TEKT5: variants seen among roughly 807,000 people sequenced by gnomAD.
The protein encoded by TEKT5 is tektin-5.
In TEKT5, 52 loss-of-function variants were observed where a neutral mutation model predicts 48.7. The ratio of observed to expected loss-of-function variants is 1.07; its 90% CI spans 0.86 to 1.35. TEKT5 has a LOEUF of 1.35. Ranked by LOEUF, TEKT5 falls within the 40% of genes most tolerant of loss-of-function variation. TEKT5 has a pLI of 0.00. For missense variants in TEKT5, 831 were observed against 641.6 expected, an observed-to-expected ratio of 1.30 and a Z score of -3.19; for synonymous variants, 318 against 267.6, an observed-to-expected ratio of 1.19 and a Z score of -1.84.
rs1322856755 is a variant in TEKT5 at position 10,676,296 on chromosome 16, T to C, written c.864-115A>G. The C allele has an allele frequency of 9.0e-6, 9 of 1,005,398 alleles. No individual in the cohort carries two copies. The Admixed American group carries it at 1.5e-4, about 16-fold the overall frequency. The allele number at this position is 1,005,398 out of a possible 1,614,324, so 62.3% of individuals were successfully genotyped here. A position where few individuals can be genotyped will look rare whatever the true frequency, so the allele number is the denominator to read the frequency against. On this transcript the variant is annotated intron_variant, in intron 4 of 6. Coordinates refer to ENST00000283025, the MANE Select transcript of TEKT5 (RefSeq NM_144674.2). ...GGATTATTCTCTGTCCTGTGCATTG[T>C]AGGGTGCTTGGGATGTTTAAGCAGC...
intron 5 of TEKT5, among the ~76,000 whole-genome samples, chr16:10,638,499 G>A (rs1897946966): frequency 1.3e-5 from 2 of 152,220 alleles, no homozygotes; most frequent in African/African-American, 2.4e-5. Flanking sequence ...TAGAAATGAG[G>A]CAGTGATGTC....
At chr16:10,657,589 AT>A (rs57853009) in intron 5 of TEKT5, among the ~76,000 whole-genome samples, 14,786 of 141,566 alleles carry the variant, frequency 0.1, 1,230 homozygotes, top group African/African-American at 0.24. Flanking sequence ...TCCCCTTTCA[AT>A]TTTTTTTTTT....
chr16:10,690,179 C>G, intron 1 of TEKT5, 154 bp from the exon 2 acceptor site: 8 of 681,716 alleles, frequency 1.2e-5, no homozygotes, highest in East Asian at 2.8e-5. Flanking sequence ...GGATGGGCTT[C>G]TGCCTCCCCT....
intron 3 of TEKT5, among the ~76,000 whole-genome samples, chr16:10,685,237 C>T (rs1053103021): frequency 1.3e-4 from 20 of 152,188 alleles, no homozygotes; most frequent in Non-Finnish European, 7.3e-5. Context: ...CTCCTGCTGT[C>T]TGCCTCAGTT....
chr16:10,648,372 C>G (rs1214665181), intron 5 of TEKT5, among the ~76,000 whole-genome samples: 1 of 151,966 alleles, frequency 6.6e-6, no homozygotes, highest in African/African-American at 2.4e-5. Flanking sequence ...GGCTGGAATG[C>G]AGTGGAGTGA....
At chr16:10,638,591 C>G (rs62025770) in intron 5 of TEKT5, among the ~76,000 whole-genome samples, 25,749 of 152,078 alleles carry the variant, frequency 0.17, 2,401 homozygotes, top group African/African-American at 0.24. Flanking sequence ...TTTGCCCAGA[C>G]ACTCCATACC....
chr16:10,683,849 T>C (rs566291647), intron 3 of TEKT5, among the ~76,000 whole-genome samples: 1 of 152,352 alleles, frequency 6.6e-6, no homozygotes, highest in South Asian at 2.1e-4. Flanking sequence ...TGCCTTGGCT[T>C]CCCAAAGTGC....
At chr16:10,636,429 T>C (rs781136254) in intron 5 of TEKT5, among the ~76,000 whole-genome samples, 1 of 151,572 alleles carries the variant, frequency 6.6e-6, no homozygotes, top group Non-Finnish European at 1.5e-5. Context: ...TATCCTCTTG[T>C]CACCGGGGCA....
Position 10,694,527 on chromosome 16 carries a change from G to A in TEKT5, c.347C>T (p.Thr116Met), listed in dbSNP as rs139407466. The A allele has an allele frequency of 5.8e-5, 94 of 1,608,386 alleles. 1 individual carries two copies. Among genetic ancestry groups the A allele is most frequent in the African/African-American group, 1.9e-4 (14 of 74,804 alleles). Residue 116 changes from threonine to methionine, a missense_variant, in exon 1 of 7, where the codon ACG (threonine) becomes ATG (methionine). Physicochemically the swap from Thr to Met is moderately conservative, Grantham distance 81. Coordinates refer to ENST00000283025, the MANE Select transcript of TEKT5 (RefSeq NM_144674.2). ...EASRLWASRL[T>M]DDSMRLLQDK... ...CTGCAAGAGCCTCATGGAGTCATCC[G>A]TCAGCCGGCTGGCCCACAGCCGGGA...
intron 5 of TEKT5, among the ~76,000 whole-genome samples, chr16:10,666,460 C>G (rs1470586187): frequency 1.3e-5 from 2 of 152,154 alleles, no homozygotes; most frequent in East Asian, 3.8e-4. Flanking sequence ...TAGCAGTATC[C>G]CTGGCCTCTG....
chr16:10,678,441 G>A lies in TEKT5; in HGVS notation c.864-2260C>T, dbSNP rs190318326. On this transcript the variant is annotated intron_variant, in intron 4 of 6. Transcript: ENST00000283025. Reference sequence around the variant, plus strand: ...GCACACTTAGGTTGCATGGTGCATAGAAAGTTTTAAAAATCATATAGCTTG... The same window carrying A: ...GCACACTTAGGTTGCATGGTGCATAAAAAGTTTTAAAAATCATATAGCTTG... Among the ~76,000 whole-genome samples, 618 of 152,232 alleles carry A rather than the reference G, an allele frequency of 4.1e-3. 6 individuals carry two copies. The highest frequency in any genetic ancestry group is 4.3e-3 in the Non-Finnish European group (290 of 68,026).
chr16:10,634,896 T>G (rs547175607), intron 6 of TEKT5, among the ~76,000 whole-genome samples: 1 of 152,128 alleles, frequency 6.6e-6, no homozygotes, highest in Non-Finnish European at 1.5e-5. Flanking sequence ...GACAGCTTGA[T>G]TGCAACCTGC....
At chr16:10,685,068 C>T (rs891161638) in intron 3 of TEKT5, among the ~76,000 whole-genome samples, 4 of 152,204 alleles carry the variant, frequency 2.6e-5, no homozygotes, top group African/African-American at 9.7e-5. Flanking sequence ...TCTGGCAGCA[C>T]AAGCTGTGAG....
chr16:10,674,863 C>G (rs1174723513), intron 5 of TEKT5, among the ~76,000 whole-genome samples: 1 of 151,190 alleles, frequency 6.6e-6, no homozygotes, highest in African/African-American at 2.4e-5. Context: ...CTCGCTGTCA[C>G]CCAGGTTGGA....
intron 5 of TEKT5, among the ~76,000 whole-genome samples, chr16:10,665,220 A>T (rs1224227082): frequency 6.6e-6 from 1 of 152,152 alleles, no homozygotes; most frequent in African/African-American, 2.4e-5. Context: ...ACTTGGAAAA[A>T]ATTAGGGGAA....
chr16:10,640,799 G>A (rs532701209), intron 5 of TEKT5, among the ~76,000 whole-genome samples: 1 of 152,256 alleles, frequency 6.6e-6, no homozygotes, highest in South Asian at 2.1e-4. Flanking sequence ...ATGTTGTTGT[G>A]TGTATCAATG....
At chr16:10,652,515 G>A (rs553432712) in intron 5 of TEKT5, among the ~76,000 whole-genome samples, 41 of 112,474 alleles carry the variant, frequency 3.6e-4, no homozygotes, top group African/African-American at 8.7e-4. Flanking sequence ...CAGGTAGAGC[G>A]ATCCCTTATA....
chr16:10,676,794 C>G (rs550017444), intron 4 of TEKT5, among the ~76,000 whole-genome samples: 8 of 152,204 alleles, frequency 5.3e-5, no homozygotes, highest in Admixed American at 5.2e-4. Context: ...TGAACAAGAA[C>G]GGCAACATCC....
At chr16:10,643,657 C>T (rs1345027873) in intron 5 of TEKT5, among the ~76,000 whole-genome samples, 1 of 152,120 alleles carries the variant, frequency 6.6e-6, no homozygotes, top group East Asian at 1.9e-4. Context: ...AATATCTCTG[C>T]AATAATTTTT....
Sources: allele counts gnomAD v4.1 joint callset (sites outside exome capture counted in the v4.1 genomes callset), GRCh38; gene constraint gnomAD v4.1.1; transcripts MANE v1.5; gene names NCBI Gene and HGNC (gene_info 2026-07-23, HGNC 2026-07-21).